Variants in DOCK3 observed in about 807,000 individuals in gnomAD.
The protein encoded by DOCK3 is dedicator of cytokinesis 3, also known as dedicator of cytokinesis protein 3.
Under a neutral mutation model 265.6 loss-of-function variants are expected in DOCK3, and 60 were observed. The ratio of observed to expected loss-of-function variants is 0.23; its 90% confidence interval spans 0.18 to 0.28. DOCK3 has a LOEUF of 0.28. DOCK3 is among the 10% of genes least tolerant of loss of function. The probability of loss-of-function intolerance (pLI) is 1.00; values close to 1 mark genes in which losing one functional copy is unlikely to be tolerated. For missense variants in DOCK3, 1,981 were observed against 2,594.3 expected, an observed-to-expected ratio of 0.76 and a Z score of 5.14; for synonymous variants, 881 against 938.0, an observed-to-expected ratio of 0.94 and a Z score of 1.11.
At position 51,354,985 on chromosome 3, in the gene DOCK3, A is replaced by G. The variant is rs762148716; in HGVS notation, c.4211A>G (p.Asn1404Ser). ...CAGGCTGTCGCCATGCAGCACCCCA[A>G]CCATCCTGATGACGCCATCCTACAG... ...FPQAVAMQHPNHPDDAILQCD... is the reference protein window; with the variant it reads ...FPQAVAMQHPSHPDDAILQCD... The change falls in exon 41 of 53, where the codon AAC becomes AGC. Residue 1404 changes from asparagine to serine, a missense_variant. Physicochemically the swap from Asn to Ser is conservative, Grantham distance 46 (BLOSUM62 1). Around this residue, in one of 4 missense-constraint regions of DOCK3, gnomAD observed 1,357 missense variants for 1,866.8 expected, o/e 0.73. Transcript: ENST00000266037. The G allele has an allele frequency of 5.6e-6, 9 of 1,613,716 alleles. No homozygotes were observed. Among genetic ancestry groups the G allele is most frequent in the South Asian group, 2.2e-5 (2 of 91,080 alleles).
At chr3:51,295,630 A>G (rs570928959) in intron 27 of DOCK3, among the ~76,000 whole-genome samples, 2 of 152,332 alleles carry the variant, frequency 1.3e-5, no homozygotes, top group African/African-American at 4.8e-5. Context: ...CAACCTTATA[A>G]AGGGCATCTA....
At chr3:50,990,216 C>A (rs867696680) in intron 5 of DOCK3, among the ~76,000 whole-genome samples, 9 of 152,256 alleles carry the variant, frequency 5.9e-5, no homozygotes, top group Non-Finnish European at 8.8e-5. Flanking sequence ...AAAGTAAAAA[C>A]GACTTGGAAA....
intron 5 of DOCK3, among the ~76,000 whole-genome samples, chr3:51,004,531 G>T (rs2078601531): frequency 6.6e-6 from 1 of 152,070 alleles, no homozygotes; most frequent in Non-Finnish European, 1.5e-5. Context: ...CTTGTCATAA[G>T]TATGGTAGAG....
chr3:50,899,021 C>T (rs2049041008), intron 4 of DOCK3, among the ~76,000 whole-genome samples: 1 of 152,120 alleles, frequency 6.6e-6, no homozygotes, highest in Non-Finnish European at 1.5e-5. Flanking sequence ...AGTTGAAGTC[C>T]TGAATATCCT....
intron 11 of DOCK3, among the ~76,000 whole-genome samples, chr3:51,160,093 C>A (rs2086057188): frequency 6.6e-6 from 1 of 152,220 alleles, no homozygotes; most frequent in Non-Finnish European, 1.5e-5. Flanking sequence ...TACTCTCAGT[C>A]CCACAATTGT....
intron 1 of DOCK3, among the ~76,000 whole-genome samples, chr3:50,715,422 G>A (rs557578150): frequency 7.4e-4 from 112 of 152,080 alleles, no homozygotes; most frequent in African/African-American, 2.6e-3. Flanking sequence ...GTGGTGGTGC[G>A]TATCTGTAGT....
At chr3:50,820,993 GTTAT>G (rs2044379266) in intron 2 of DOCK3, among the ~76,000 whole-genome samples, 1 of 151,732 alleles carries the variant, frequency 6.6e-6, no homozygotes. Flanking sequence ...TTTTAATGGG[GTTAT>G]TTGTTTTTTG....
intron 3 of DOCK3, among the ~76,000 whole-genome samples, chr3:50,867,729 A>G (rs1438001573): frequency 1.3e-5 from 2 of 152,034 alleles, no homozygotes; most frequent in East Asian, 1.9e-4. Context: ...GATGTATCAC[A>G]TTGATTTGTG....
chr3:50,916,846 CAAAAAAAAAA>C (rs397877086), intron 4 of DOCK3, among the ~76,000 whole-genome samples: 2 of 77,104 alleles, frequency 2.6e-5, no homozygotes, highest in African/African-American at 8.8e-5. Context: ...GACTCCGTTT[CAAAAAAAAAA>C]AAAAAAAAAG....
intron 27 of DOCK3, among the ~76,000 whole-genome samples, chr3:51,289,286 G>C (rs1326230602): frequency 6.6e-6 from 1 of 152,146 alleles, no homozygotes; most frequent in Admixed American, 6.6e-5. Flanking sequence ...ATTTGAAGGT[G>C]GAGGGTAGGA....
chr3:51,016,564 T>TATATATGATATATATG (rs1491567321), intron 5 of DOCK3, among the ~76,000 whole-genome samples: 3 of 75,828 alleles, frequency 4.0e-5, no homozygotes, highest in African/African-American at 1.2e-4. Flanking sequence ...TATCATATAT[T>TATATATGATATATATG]ATATATATAT....
rs561388476 is a variant in DOCK3, at chr3:51,008,250, C to G, written c.316-56198C>G. ...TTTTCACGATATGGATTCTTCCTAT[C>G]CATGAACATGGAATGTTCTTCCATT... On this transcript the variant is annotated intron_variant, in intron 5 of 52. Coordinates refer to ENST00000266037, the MANE Select transcript of DOCK3 (RefSeq NM_004947.5). Among the ~76,000 whole-genome samples, 8 of 152,294 alleles carry G rather than the reference C, an allele frequency of 5.3e-5. 1 individual carries two copies. The highest frequency in any genetic ancestry group is 3.9e-4 in the Admixed American group (6 of 15,302).
At chr3:50,735,713 A>T (rs1002105813) in intron 1 of DOCK3, among the ~76,000 whole-genome samples, 2 of 152,080 alleles carry the variant, frequency 1.3e-5, no homozygotes, top group African/African-American at 4.8e-5. Flanking sequence ...GTGTTCATTT[A>T]TGAACTCTTA....
intron 9 of DOCK3, among the ~76,000 whole-genome samples, chr3:51,122,414 G>A (rs1209705317): frequency 6.6e-6 from 1 of 152,172 alleles, no homozygotes; most frequent in Non-Finnish European, 1.5e-5. Context: ...TGAGGTTACA[G>A]TGAGCCCAGA....
At chr3:50,688,293 G>T (rs952289493) in intron 1 of DOCK3, among the ~76,000 whole-genome samples, 1 of 152,110 alleles carries the variant, frequency 6.6e-6, no homozygotes, top group African/African-American at 2.4e-5. Flanking sequence ...AACTCCAAAG[G>T]CTTGTCTTTT....
chr3:51,123,307 G>T (rs1441389876), intron 9 of DOCK3, among the ~76,000 whole-genome samples: 1 of 152,182 alleles, frequency 6.6e-6, no homozygotes, highest in Admixed American at 6.5e-5. Flanking sequence ...AACTCACACT[G>T]CCACTGGCCT....
chr3:51,042,779 A>G (rs1238690220), intron 5 of DOCK3, among the ~76,000 whole-genome samples: 1 of 152,218 alleles, frequency 6.6e-6, no homozygotes, highest in Non-Finnish European at 1.5e-5. Flanking sequence ...AATAATTGCT[A>G]GCATTCCTAT....
At chr3:50,996,310 T>C (rs7629809) in intron 5 of DOCK3, among the ~76,000 whole-genome samples, 14,417 of 151,344 alleles carry the variant, frequency 0.095, 851 homozygotes, top group Non-Finnish European at 0.12. Context: ...CTCCGCCTCC[T>C]GGGTTCATGC....
intron 5 of DOCK3, among the ~76,000 whole-genome samples, chr3:50,947,491 G>C (rs2076458812): frequency 6.6e-6 from 1 of 152,058 alleles, no homozygotes. Context: ...TTGAGGAATT[G>C]CGTTAATACA....
Sources: allele counts gnomAD v4.1 joint callset (sites outside exome capture counted in the v4.1 genomes callset), GRCh38; gene constraint gnomAD v4.1.1; regional missense constraint gnomAD v4.1.1; transcripts MANE v1.5; gene names NCBI Gene and HGNC (gene_info 2026-07-23, HGNC 2026-07-21).